AGBL1: variants seen among roughly 807,000 people sequenced by gnomAD.
AGBL1 encodes the protein AGBL carboxypeptidase 1, also known as cytosolic carboxypeptidase 4.
AGBL1 carries 130 observed loss-of-function variants against 118.9 expected under a neutral mutation model. That is an observed-to-expected ratio of 1.09 (90% CI 0.95 to 1.26). The LOEUF (loss-of-function observed/expected upper bound fraction) is 1.26, where lower values mean the gene tolerates loss of function less well. Ranked by LOEUF, AGBL1 falls within the 50% of genes most tolerant of loss-of-function variation. AGBL1 has a pLI of 0.00. For synonymous variants in AGBL1, 555 were observed against 478.9 expected, an observed-to-expected ratio of 1.16 and a Z score of -2.08; for missense variants, 1,584 against 1,298.1, an observed-to-expected ratio of 1.22 and a Z score of -3.38.
intron 24 of AGBL1, among the ~76,000 whole-genome samples, chr15:87,008,328 C>T (rs1004090338): frequency 6.6e-6 from 1 of 152,096 alleles, no homozygotes; most frequent in Non-Finnish European, 1.5e-5. Context: ...CTTATGAGAC[C>T]TGATGGTTTT....
intron 17 of AGBL1, among the ~76,000 whole-genome samples, chr15:86,311,604 A>G (rs1461700829): frequency 6.6e-6 from 1 of 151,272 alleles, no homozygotes; most frequent in African/African-American, 2.4e-5. Flanking sequence ...GGGGCTTCCT[A>G]TTTTTTTTCT....
chr15:86,298,570 G>A (rs1430565690), intron 17 of AGBL1, among the ~76,000 whole-genome samples: 2 of 151,822 alleles, frequency 1.3e-5, no homozygotes, highest in Non-Finnish European at 2.9e-5. Flanking sequence ...AACAGCAAAT[G>A]AGCCTGCAGC....
intron 22 of AGBL1, among the ~76,000 whole-genome samples, chr15:86,714,791 G>C (rs2086613122): frequency 6.6e-6 from 1 of 152,080 alleles, no homozygotes. Context: ...ACGATGTAAA[G>C]GGTCCCCTGA....
chr15:86,145,307 G>T (rs185255729), intron 3 of AGBL1, among the ~76,000 whole-genome samples: 13 of 152,328 alleles, frequency 8.5e-5, no homozygotes, highest in African/African-American at 3.1e-4. Context: ...AGGGCCTAGA[G>T]TTCTTTCCAT....
intron 18 of AGBL1, among the ~76,000 whole-genome samples, chr15:86,495,236 A>AT (rs2082833962): frequency 6.6e-6 from 1 of 151,786 alleles, no homozygotes; most frequent in African/African-American, 2.4e-5. Flanking sequence ...TTATATAGAA[A>AT]TTTTTATTAA....
At chr15:86,444,316 C>G (rs2082097243) in intron 18 of AGBL1, among the ~76,000 whole-genome samples, 1 of 152,156 alleles carries the variant, frequency 6.6e-6, no homozygotes, top group Non-Finnish European at 1.5e-5. Flanking sequence ...ATATCCCGCC[C>G]CAATAAGTCA....
At chr15:86,208,931 C>A (rs1486336734) in intron 5 of AGBL1, among the ~76,000 whole-genome samples, 1 of 152,082 alleles carries the variant, frequency 6.6e-6, no homozygotes, top group Non-Finnish European at 1.5e-5. Context: ...TAGATCTTTC[C>A]TGCTTTCTCT....
intron 22 of AGBL1, among the ~76,000 whole-genome samples, chr15:86,798,451 C>T (rs757620579): frequency 2.6e-5 from 4 of 151,800 alleles, no homozygotes; most frequent in Admixed American, 6.6e-5. Context: ...TTAAGAGTAC[C>T]CTCAATCCCT....
Position 86,221,548 on chromosome 15 carries a change from A to C in AGBL1, c.489-3366A>C, listed in dbSNP as rs1187374870. On this transcript the variant is annotated intron_variant, in intron 5 of 22. Transcript: ENST00000614907. ...GGCAGAGCAGCAATGATGAGAGTGG[A>C]CCAGCGCTGCAGACATGTAACCACT... Among the ~76,000 whole-genome samples, 3 of 152,212 alleles carry C rather than the reference A, an allele frequency of 2.0e-5. No individual in the cohort carries two copies. In the South Asian group the frequency reaches 6.2e-4, roughly 31 times the overall value.
chr15:86,765,843 C>T (rs1261235824), intron 22 of AGBL1, among the ~76,000 whole-genome samples: 1 of 151,826 alleles, frequency 6.6e-6, no homozygotes, highest in Non-Finnish European at 1.5e-5. Flanking sequence ...ATTATAGGGA[C>T]CTGACATGAC....
At chr15:86,727,113 G>A (rs922633103) in intron 22 of AGBL1, among the ~76,000 whole-genome samples, 7 of 152,094 alleles carry the variant, frequency 4.6e-5, no homozygotes, top group Non-Finnish European at 2.9e-5. Context: ...GGATGATGGG[G>A]ACTCTAGTGA....
At chr15:86,635,189 A>G (rs1167665545) in intron 21 of AGBL1, among the ~76,000 whole-genome samples, 2 of 150,438 alleles carry the variant, frequency 1.3e-5, no homozygotes, top group African/African-American at 2.5e-5. Context: ...GTTTACCCAT[A>G]ATTTCTTGTC....
At chr15:86,412,555 TG>T (rs922798673) in intron 18 of AGBL1, among the ~76,000 whole-genome samples, 2 of 152,190 alleles carry the variant, frequency 1.3e-5, no homozygotes, top group Non-Finnish European at 2.9e-5. Flanking sequence ...CTCTTGAGTG[TG>T]GAAGGATGAG....
At chr15:86,328,958 A>G (rs1013024734) in intron 17 of AGBL1, among the ~76,000 whole-genome samples, 3 of 152,156 alleles carry the variant, frequency 2.0e-5, no homozygotes, top group African/African-American at 7.2e-5. Flanking sequence ...TGGGCCAGAG[A>G]TTAGAGCACC....
intron 1 of AGBL1, among the ~76,000 whole-genome samples, chr15:86,138,602 A>C (rs1377555019): frequency 6.6e-6 from 1 of 152,238 alleles, no homozygotes; most frequent in East Asian, 1.9e-4. Context: ...TGAATCATTG[A>C]ATGAAAATAA....
chr15:86,487,088 C>T (rs1288972220), intron 18 of AGBL1, among the ~76,000 whole-genome samples: 2 of 152,104 alleles, frequency 1.3e-5, no homozygotes, highest in Non-Finnish European at 2.9e-5. Context: ...AACCATCCTG[C>T]CAGCCCTTGG....
At chr15:86,788,171 G>A (rs1223143995) in intron 22 of AGBL1, among the ~76,000 whole-genome samples, 1 of 152,194 alleles carries the variant, frequency 6.6e-6, no homozygotes. Flanking sequence ...TGCCCACTGA[G>A]GCCAAGCCCT....
At chr15:87,007,908 A>G (rs1392351772) in intron 24 of AGBL1, among the ~76,000 whole-genome samples, 1 of 152,194 alleles carries the variant, frequency 6.6e-6, no homozygotes, top group African/African-American at 2.4e-5. Flanking sequence ...ACTCCGAATG[A>G]TATTTGTTGA....
intron 5 of AGBL1, among the ~76,000 whole-genome samples, chr15:86,193,714 G>C (rs1357823106): frequency 6.6e-6 from 1 of 152,160 alleles, no homozygotes; most frequent in African/African-American, 2.4e-5. Context: ...GTAGAGAATG[G>C]TGTCTGAAGC....
Sources: allele counts gnomAD v4.1 joint callset (sites outside exome capture counted in the v4.1 genomes callset), GRCh38; gene constraint gnomAD v4.1.1; transcripts MANE v1.5; gene names NCBI Gene and HGNC (gene_info 2026-07-23, HGNC 2026-07-21).